GALNT15: variants seen among roughly 807,000 people sequenced by gnomAD.
GALNT15 encodes UDP-GalNAc transferase T15.
Under a neutral mutation model 66.8 loss-of-function variants are expected in GALNT15, and 67 were observed. The observed-to-expected ratio is 1.00, with a 90% CI of 0.82 to 1.23. The LOEUF (loss-of-function observed/expected upper bound fraction) is 1.23. Ranked by LOEUF, GALNT15 falls within the 50% of genes most tolerant of loss-of-function variation. The probability of loss-of-function intolerance (pLI) is 0.00; values close to 1 mark genes in which losing one functional copy is unlikely to be tolerated. For synonymous variants in GALNT15, 313 were observed against 311.5 expected (o/e 1.00, Z -0.05); for missense variants, 827 against 804.3 (o/e 1.03, Z -0.34).
At chr3:16,178,549 CA>C (rs1030665894) in intron 1 of GALNT15, among the ~76,000 whole-genome samples, 7 of 152,196 alleles carry the variant, frequency 4.6e-5, no homozygotes, top group African/African-American at 1.7e-4. Flanking sequence ...GCGGCCTGCG[CA>C]GCCCAGGCCT....
chr3:16,211,209 C>A lies in GALNT15; in HGVS notation c.1165C>A (p.Arg389=), dbSNP rs1398949162. The change falls in exon 5 of 10, where the codon CGA becomes AGA. Residue 389 remains arginine, a synonymous_variant. Transcript: ENST00000339732. This position sits in a 1 kb window ranked among gnomAD's most constrained non-coding sequence, Gnocchi z 4.3. ...AGCGTATGACTCTCTTATGTCGCTG[C>A]GAGGTGGTGAAAACCTCGAACTGTC... ...TGAYDSLMSL[R]GGENLELSFK... is the part of the protein sequence containing the mutation. 2 of 1,613,542 alleles carry A rather than the reference C, an allele frequency of 1.2e-6. No homozygotes were observed. The highest frequency in any genetic ancestry group is 1.3e-5 in the African/African-American group (1 of 75,020).
the GALNT15 span, among the ~76,000 whole-genome samples, chr3:16,237,554 C>A: frequency 6.6e-6 from 1 of 152,204 alleles, no homozygotes; most frequent in Non-Finnish European, 1.5e-5. The surrounding 1 kb of genome is among the most constrained non-coding windows in gnomAD (Gnocchi z 4.2). Context: ...GTCTAGTGAG[C>A]CTTCACCATG....
intron 6 of GALNT15, among the ~76,000 whole-genome samples, chr3:16,213,068 G>C (rs1404923086): frequency 6.6e-6 from 1 of 152,126 alleles, no homozygotes; most frequent in African/African-American, 2.4e-5. Flanking sequence ...GAAGCGATGA[G>C]ATGGGTCTCC....
At chr3:16,232,483 TA>T (rs2064093328), downstream of GALNT15, among the ~76,000 whole-genome samples, 1 of 71,450 alleles carries the variant, frequency 1.4e-5, no homozygotes, top group African/African-American at 6.1e-5. Flanking sequence ...TATATATATA[TA>T]TATATATATA....
the GALNT15 span, among the ~76,000 whole-genome samples, chr3:16,242,963 G>T: frequency 6.6e-6 from 1 of 152,074 alleles, no homozygotes; most frequent in East Asian, 1.9e-4. The surrounding 1 kb of genome is among the most constrained non-coding windows in gnomAD (Gnocchi z 5.6). Flanking sequence ...AAGATAGGCA[G>T]GGAAGAAAAG....
the GALNT15 span, chr3:16,244,045 G>A: frequency 1.1e-3 from 1,068 of 981,870 alleles, no homozygotes; most frequent in Non-Finnish European, 1.2e-3. Flanking sequence ...AAGAGTGGCA[G>A]GCACCCATGG....
rs1178666323 is a variant in GALNT15, at chr3:16,227,356, T to C, written c.1776T>C (p.Asn592=). The C allele has an allele frequency of 1.2e-6, 2 of 1,608,502 alleles. No homozygotes were observed. The highest frequency in any genetic ancestry group is 8.5e-7 in the Non-Finnish European group (1 of 1,178,340). ...IHQQHWDFQE[N]GMIVHILSGK... ...TCTTTTTTCCTTTCTCTTTTTAGAA[T>C]GGGATGATTGTCCACATTCTTTCTG... The change falls in exon 10 of 10, where the codon AAT becomes AAC. Residue 592 remains asparagine (N), a splice_region_variant and synonymous_variant. Transcript: ENST00000339732. The surrounding 1 kb of genome is among the most constrained non-coding windows in gnomAD (Gnocchi z 4.5).
intron 3 of GALNT15, among the ~76,000 whole-genome samples, chr3:16,206,988 TCAATACAGGGTACCCCAAAATAGGG>T (rs1342942608): frequency 6.6e-6 from 1 of 152,106 alleles, no homozygotes; most frequent in Non-Finnish European, 1.5e-5. Context: ...TTTTCTTAGG[TCAATACAGGGTACCCCAAAATAGGG>T]GAAACCCAGA....
Position 16,180,678 on chromosome 3 carries a change from T to C in GALNT15, c.539+4988T>C, listed in dbSNP as rs911635410. 8.5e-5 allele frequency among the ~76,000 whole-genome samples: 13 copies of C among 152,158 alleles called. No homozygotes were observed. Among genetic ancestry groups the C allele is most frequent in the Non-Finnish European group, 1.6e-4 (11 of 68,026 alleles). On this transcript the variant is annotated intron_variant, in intron 1 of 9. Coordinates refer to ENST00000339732, the MANE Select transcript of GALNT15 (RefSeq NM_054110.5). This position sits in a 1 kb window ranked among gnomAD's most constrained non-coding sequence, Gnocchi z 5.0. ...TGGTAGAGTTTGGGAAGTTTCCACG[T>C]AGGAAGCAATACTAGAGTCAGAAAA...
Position 16,205,264 on chromosome 3 carries a change from T to C in GALNT15, c.912-3239T>C, listed in dbSNP as rs189783411. ...AACTTTCAAAATGGCTTGTGTATCATGGACCTTGAGGAACATCCAGGCTCA... is the reference window on the plus strand; with the variant it reads ...AACTTTCAAAATGGCTTGTGTATCACGGACCTTGAGGAACATCCAGGCTCA... On this transcript the variant is annotated intron_variant, in intron 3 of 9. Transcript: ENST00000339732. Among the ~76,000 whole-genome samples, 48 of 152,338 alleles carry C rather than the reference T, an allele frequency of 3.2e-4. 1 individual carries two copies. Among genetic ancestry groups the C allele is most frequent in the Admixed American group, 2.1e-3 (32 of 15,306 alleles).
At position 16,224,174 on chromosome 3, in the gene GALNT15, A is replaced by T. The variant is rs1174137974; in HGVS notation, c.1773+1416A>T. Among the ~76,000 whole-genome samples the T allele has an allele frequency of 1.3e-5, 2 of 152,270 alleles. No individual in the cohort carries two copies. The highest frequency in any genetic ancestry group is 6.5e-5 in the Admixed American group (1 of 15,294). On this transcript the variant is annotated intron_variant, in intron 9 of 9. Coordinates refer to ENST00000339732, the MANE Select transcript of GALNT15 (RefSeq NM_054110.5). This position sits in a 1 kb window ranked among gnomAD's most constrained non-coding sequence, Gnocchi z 5.2. ...ACCCAGCATATTTCAGGCATTAATA[A>T]ATAACTTCTAAAAGTTATTATCATT...
chr3:16,220,728 G>A (rs1270884217), intron 8 of GALNT15, among the ~76,000 whole-genome samples: 2 of 152,220 alleles, frequency 1.3e-5, no homozygotes, highest in African/African-American at 2.4e-5. Context: ...TTCACTGGAT[G>A]AGAATCAAAG....
chr3:16,175,600 C>A lies in GALNT15; in HGVS notation c.449C>A (p.Thr150Asn), dbSNP rs145670083. 9 of 1,613,414 alleles carry A rather than the reference C, an allele frequency of 5.6e-6. No individual in the cohort carries two copies. The highest frequency in any genetic ancestry group is 7.6e-6 in the Non-Finnish European group (9 of 1,179,984). ...GAGGTGTCTGAAGAAGAGGAGTTGA[C>A]CCCGTTCAGCCTGGACCCACGTGGC... is the stretch of plus-strand genomic sequence containing the variant. The part of the protein sequence containing the change: ...DGEVSEEEEL[T>N]PFSLDPRGLQ... Residue 150 changes from threonine to asparagine, a missense_variant, in exon 1 of 10, where the codon ACC becomes AAC. Thr to Asn is a moderately conservative substitution (Grantham distance 65). Coordinates refer to ENST00000339732, the MANE Select transcript of GALNT15 (RefSeq NM_054110.5). The surrounding 1 kb of genome is among the most constrained non-coding windows in gnomAD (Gnocchi z 5.6).
chr3:16,196,035 A>G, intron 2 of GALNT15, 109 bp downstream of exon 2: 2 of 1,079,574 alleles, frequency 1.9e-6, no homozygotes, highest in South Asian at 1.5e-5. Flanking sequence ...AGATTCCCCA[A>G]CTACAGACCT....
At chr3:16,238,106 A>G in the GALNT15 span, among the ~76,000 whole-genome samples, 3 of 152,348 alleles carry the variant, frequency 2.0e-5, no homozygotes, top group Non-Finnish European at 2.9e-5. The surrounding 1 kb of genome is among the most constrained non-coding windows in gnomAD (Gnocchi z 4.8). Context: ...GCAAAGAGCC[A>G]TGGTCTACAC....
At chr3:16,202,395 G>A (rs558166797) in intron 3 of GALNT15, among the ~76,000 whole-genome samples, 7 of 152,370 alleles carry the variant, frequency 4.6e-5, no homozygotes, top group African/African-American at 1.7e-4. Flanking sequence ...CACTTTGGGA[G>A]GCCGAGGCAG....
rs939194812 is a variant in GALNT15 at position 16,228,250 on chromosome 3, A to G, written c.*750A>G. On this transcript the variant is annotated 3_prime_UTR_variant, in exon 10 of 10. Transcript: ENST00000339732. Reference sequence around the variant, plus strand: ...TTCTCTAACTTGGTTAACCATAACCATAACCAGATTCCCTTGCAATCGATT... The same window carrying G: ...TTCTCTAACTTGGTTAACCATAACCGTAACCAGATTCCCTTGCAATCGATT... The G allele has an allele frequency of 4.7e-5, 46 of 985,798 alleles. No individual in the cohort carries two copies. In the African/African-American group the frequency reaches 8.0e-4, roughly 17 times the overall value. 61.1% of individuals were successfully genotyped at this position (985,798 alleles called of 1,614,324 possible).
intron 8 of GALNT15, among the ~76,000 whole-genome samples, chr3:16,221,194 TAAAG>T (rs1040823033): frequency 1.7e-4 from 24 of 141,004 alleles, no homozygotes; most frequent in Admixed American, 5.0e-4. Flanking sequence ...AAAAAAAAAA[TAAAG>T]AAACAAAAGA....
At position 16,175,643 on chromosome 3, in the gene GALNT15, T is replaced by TG. The variant is rs2063400174; in HGVS notation, c.493dup (p.Ala165GlyfsTer37). On this transcript the variant is annotated frameshift_variant, in exon 1 of 10. Transcript: ENST00000339732. LOFTEE classifies it high-confidence loss of function. This position sits in a 1 kb window ranked among gnomAD's most constrained non-coding sequence, Gnocchi z 5.6. ...CACGTGGCCTCCAGGAGGCACTCAG[T>TG]GCCCGCATCCCCCTCCAGAGGGCTC... The TG allele has an allele frequency of 6.2e-7, 1 of 1,611,834 alleles. No individual in the cohort carries two copies. Among genetic ancestry groups the TG allele is most frequent in the Admixed American group, 1.7e-5 (1 of 59,860 alleles).
Sources: gnomAD v4.1 joint callset for allele counts (sites outside exome capture counted in the v4.1 genomes callset) on GRCh38, gnomAD v4.1.1 for gene constraint, Gnocchi (gnomAD v3.1) non-coding constraint, MANE v1.5 for transcripts, NCBI Gene and HGNC (gene_info 2026-07-23, HGNC 2026-07-21) for gene names.